Variants in PRKG1 observed in about 807,000 individuals in gnomAD.
PRKG1 encodes the protein cGMP-dependent protein kinase 1.
A neutral mutation model predicts 88.1 loss-of-function variants in PRKG1; 35 were observed. The ratio of observed to expected loss-of-function variants is 0.40; its 90% confidence interval spans 0.30 to 0.53. The LOEUF (loss-of-function observed/expected upper bound fraction) is 0.53, where lower values mean the gene tolerates loss of function less well. Ranked by LOEUF, PRKG1 falls within the 20% of genes least tolerant of loss-of-function variation. The pLI is 0.59. For missense variants in PRKG1, 540 were observed against 839.8 expected, an observed-to-expected ratio of 0.64 and a Z score of 4.41; for synonymous variants, 303 against 292.5, an observed-to-expected ratio of 1.04 and a Z score of -0.37.
intron 1 of PRKG1, among the ~76,000 whole-genome samples, chr10:50,994,037 CTG>C (rs1842808943): frequency 6.6e-6 from 1 of 152,208 alleles, no homozygotes; most frequent in Non-Finnish European, 1.5e-5. Context: ...TACTTCCTCT[CTG>C]TGCTGATTTA....
chr10:51,797,407 T>C (rs1839042619), intron 3 of PRKG1, among the ~76,000 whole-genome samples: 1 of 146,276 alleles, frequency 6.8e-6, no homozygotes, highest in Admixed American at 6.9e-5. Context: ...TTATATTATT[T>C]ATAATACATA....
chr10:52,024,445 C>A (rs1289989543), intron 5 of PRKG1, among the ~76,000 whole-genome samples: 2 of 151,924 alleles, frequency 1.3e-5, no homozygotes, highest in African/African-American at 4.8e-5. Context: ...TCATCATTTA[C>A]ATTAGGTATT....
chr10:51,381,931 T>C (rs1335100458), intron 2 of PRKG1, among the ~76,000 whole-genome samples: 1 of 152,170 alleles, frequency 6.6e-6, no homozygotes, highest in Non-Finnish European at 1.5e-5. Flanking sequence ...GTACCTCCCT[T>C]TCTGGAAGGA....
At chr10:51,072,621 T>C (rs961708059), upstream of PRKG1, among the ~76,000 whole-genome samples, 1 of 152,182 alleles carries the variant, frequency 6.6e-6, no homozygotes, top group Non-Finnish European at 1.5e-5. Flanking sequence ...CCATTTTATA[T>C]ATCACATTTA....
chr10:52,055,483 G>A (rs1294317814), intron 6 of PRKG1, among the ~76,000 whole-genome samples: 2 of 152,094 alleles, frequency 1.3e-5, no homozygotes, highest in South Asian at 2.1e-4. Context: ...TCAACAATAT[G>A]AATTTATTTA....
intron 3 of PRKG1, among the ~76,000 whole-genome samples, chr10:51,628,002 CTCTCTCTCTTTCTTTCTT>C (rs1281970771): frequency 3.3e-5 from 2 of 61,362 alleles, no homozygotes; most frequent in Non-Finnish European, 6.9e-5. Flanking sequence ...CTCTCTCTCT[CTCTCTCTCTTTCTTTCTT>C]TCTTTCTTTC....
At chr10:51,363,751 A>AT (rs1159069701) in intron 2 of PRKG1, among the ~76,000 whole-genome samples, 1 of 151,974 alleles carries the variant, frequency 6.6e-6, no homozygotes, top group Non-Finnish European at 1.5e-5. Flanking sequence ...AAGTCAAAGC[A>AT]TGTGAACCCT....
chr10:51,167,772 C>A (rs560260232), intron 2 of PRKG1, among the ~76,000 whole-genome samples: 6 of 152,066 alleles, frequency 3.9e-5, no homozygotes, highest in Non-Finnish European at 7.4e-5. Flanking sequence ...ATGGTGGTAC[C>A]ATTTTCTGAG....
At chr10:51,190,368 A>G (rs1043732812) in intron 2 of PRKG1, among the ~76,000 whole-genome samples, 1 of 151,940 alleles carries the variant, frequency 6.6e-6, no homozygotes, top group Non-Finnish European at 1.5e-5. Flanking sequence ...CAGTATTATG[A>G]TAAAAATCTA....
At chr10:51,841,846 C>T (rs1442629562) in intron 4 of PRKG1, among the ~76,000 whole-genome samples, 1 of 152,082 alleles carries the variant, frequency 6.6e-6, no homozygotes, top group Non-Finnish European at 1.5e-5. Context: ...CCAGGCCTGG[C>T]TAATTTTTGT....
chr10:51,189,882 G>A (rs1035009986), intron 2 of PRKG1, among the ~76,000 whole-genome samples: 6 of 151,984 alleles, frequency 3.9e-5, no homozygotes, highest in Admixed American at 1.3e-4. Context: ...CTGTAAGGGT[G>A]GCCTACTGTG....
rs1915682 is a variant in PRKG1 at position 51,295,721 on chromosome 10, A to G, written c.478+142391A>G. ...GGACTTCCAGTACTGTGTTGAATAG[A>G]TGTAGTGAGAATGGACATCCATATC... On this transcript the variant is annotated intron_variant, in intron 2 of 17. Coordinates refer to ENST00000373980, the MANE Select transcript of PRKG1 (RefSeq NM_006258.4). 8.6e-5 allele frequency among the ~76,000 whole-genome samples: 13 copies of G among 152,044 alleles called. No homozygotes were observed. In the South Asian group the frequency reaches 2.5e-3, roughly 29 times the overall value.
chr10:52,161,968 G>A lies in PRKG1; in HGVS notation c.1076+5G>A, dbSNP rs1382609131. On this transcript the variant is annotated splice_donor_5th_base_variant and intron_variant, in intron 9 of 17. Coordinates refer to ENST00000373980, the MANE Select transcript of PRKG1 (RefSeq NM_006258.4). ...AGATGCAGAAGCTAAAGCAAAGTAA[G>A]TGACTTTTTTCCTTAATTTTGATTG... 6.2e-7 allele frequency: 1 copy of A among 1,607,736 alleles called. No homozygotes were observed. The highest frequency in any genetic ancestry group is 8.5e-7 in the Non-Finnish European group (1 of 1,177,290).
At chr10:51,669,976 A>G (rs1412780705) in intron 3 of PRKG1, among the ~76,000 whole-genome samples, 1 of 152,238 alleles carries the variant, frequency 6.6e-6, no homozygotes, top group African/African-American at 2.4e-5. Flanking sequence ...AATAAAAATT[A>G]TGGCTTTATG....
intron 3 of PRKG1, among the ~76,000 whole-genome samples, chr10:51,735,547 T>C (rs1837242714): frequency 6.7e-6 from 1 of 148,152 alleles, no homozygotes; most frequent in Admixed American, 6.8e-5. Flanking sequence ...ACAAGAAATA[T>C]ACAGGCATTC....
chr10:51,863,326 C>G (rs1781701836), intron 4 of PRKG1, among the ~76,000 whole-genome samples: 1 of 152,204 alleles, frequency 6.6e-6, no homozygotes, highest in Non-Finnish European at 1.5e-5. Flanking sequence ...TCTATCTTGA[C>G]AGTGTTCACC....
chr10:51,650,243 T>A (rs1840008083), intron 3 of PRKG1, among the ~76,000 whole-genome samples: 1 of 152,176 alleles, frequency 6.6e-6, no homozygotes. Context: ...CTTCAGTCCA[T>A]TTGCTGCTTA....
intron 9 of PRKG1, among the ~76,000 whole-genome samples, chr10:52,217,348 C>CTATA (rs72129778): frequency 3.5e-5 from 5 of 143,792 alleles, no homozygotes; most frequent in Admixed American, 7.0e-5. Context: ...ATATATCTAT[C>CTATA]TATCTATATA....
rs987857691 is a variant in PRKG1 at position 51,944,077 on chromosome 10, C to A, written c.762+36507C>A. On this transcript the variant is annotated intron_variant, in intron 5 of 17. Coordinates refer to ENST00000373980, the MANE Select transcript of PRKG1 (RefSeq NM_006258.4). ...TGGTAGAATTCGGCTGTGAATCCAT[C>A]TGGTCCTGGACTCTTTTTGGTTAGT... Among the ~76,000 whole-genome samples the A allele has an allele frequency of 2.3e-4, 35 of 151,984 alleles. 1 individual carries two copies. Among genetic ancestry groups the A allele is most frequent in the African/African-American group, 8.0e-4 (33 of 41,252 alleles).
Sources: gnomAD v4.1 joint callset for allele counts (sites outside exome capture counted in the v4.1 genomes callset) on GRCh38, gnomAD v4.1.1 for gene constraint, MANE v1.5 for transcripts, NCBI Gene and HGNC (gene_info 2026-07-23, HGNC 2026-07-21) for gene names.